DPP10: variants seen among roughly 807,000 people sequenced by gnomAD.
DPP10 encodes dipeptidyl peptidase like 10.
A neutral mutation model predicts 120.9 loss-of-function variants in DPP10; 33 were observed. The ratio of observed to expected loss-of-function variants is 0.27; its 90% CI spans 0.21 to 0.37. DPP10 has a LOEUF of 0.37. Among genes scored for constraint, DPP10 ranks in the 10% least tolerant of loss-of-function variants. The probability of loss-of-function intolerance (pLI) is 1.00; values close to 1 mark genes in which losing one functional copy is unlikely to be tolerated. For missense variants in DPP10, 816 were observed against 942.8 expected, an observed-to-expected ratio of 0.87 and a Z score of 1.76; for synonymous variants, 337 against 326.1, an observed-to-expected ratio of 1.03 and a Z score of -0.36.
intron 1 of DPP10, among the ~76,000 whole-genome samples, chr2:114,534,900 T>G (rs1458543445): frequency 6.6e-6 from 1 of 152,154 alleles, no homozygotes. Flanking sequence ...GGATGCCCCC[T>G]TCTGGGGCCC....
At position 115,356,733 on chromosome 2, in the gene DPP10, T is replaced by C. The variant is rs967547384; in HGVS notation, c.271+12821T>C. Among the ~76,000 whole-genome samples the C allele has an allele frequency of 2.0e-5, 3 of 152,300 alleles. No individual in the cohort carries two copies. In the South Asian group the frequency reaches 6.2e-4, roughly 32 times the overall value. Reference sequence around the variant, plus strand: ...ATTATTTTGAGATATGTTGCATCAATAGCTGTTTTATTGAGAGTTTTTCTT... The same window carrying C: ...ATTATTTTGAGATATGTTGCATCAACAGCTGTTTTATTGAGAGTTTTTCTT... On this transcript the variant is annotated intron_variant, in intron 3 of 25. Coordinates refer to ENST00000410059, the MANE Select transcript of DPP10 (RefSeq NM_020868.6).
chr2:115,224,231 C>T lies in DPP10; in HGVS notation c.61-85008C>T, dbSNP rs2057322336. The stretch of plus-strand genomic sequence containing the variant: ...CTAATTGGGGATTTGAATGGGCTTT[C>T]CTGAAATCTGAAGGATGAAAGAATT... On this transcript the variant is annotated intron_variant, in intron 1 of 25. Transcript: ENST00000410059. 2.6e-5 allele frequency among the ~76,000 whole-genome samples: 4 copies of T among 151,982 alleles called. No homozygotes were observed. The South Asian group carries it at 8.3e-4, about 32-fold the overall frequency.
At chr2:115,492,840 C>T (rs2076196666) in intron 3 of DPP10, among the ~76,000 whole-genome samples, 1 of 152,030 alleles carries the variant, frequency 6.6e-6, no homozygotes, top group Non-Finnish European at 1.5e-5. Flanking sequence ...AAAGGAATTA[C>T]ATGATTAAAT....
chr2:115,063,841 G>A (rs1706617852), intron 1 of DPP10, among the ~76,000 whole-genome samples: 1 of 152,108 alleles, frequency 6.6e-6, no homozygotes, highest in Admixed American at 6.6e-5. Context: ...ATACCATTCA[G>A]GACATAGACA....
At chr2:115,803,997 G>T (rs1441004011) in intron 19 of DPP10, among the ~76,000 whole-genome samples, 1 of 152,096 alleles carries the variant, frequency 6.6e-6, no homozygotes, top group African/African-American at 2.4e-5. Flanking sequence ...GATTGGGGAA[G>T]TTCTCCTGGA....
chr2:115,521,347 G>C (rs748845495), intron 4 of DPP10, among the ~76,000 whole-genome samples: 21 of 152,166 alleles, frequency 1.4e-4, no homozygotes, highest in Admixed American at 7.2e-4. Flanking sequence ...TAAAAGATGA[G>C]GCTTTCTGGC....
At chr2:114,786,088 C>T (rs780695481) in intron 1 of DPP10, among the ~76,000 whole-genome samples, 5 of 152,188 alleles carry the variant, frequency 3.3e-5, no homozygotes, top group Non-Finnish European at 7.3e-5. Flanking sequence ...GCAGCTTAAT[C>T]AGATAAAAGT....
intron 1 of DPP10, among the ~76,000 whole-genome samples, chr2:115,014,661 C>T (rs1180656468): frequency 6.6e-6 from 1 of 151,986 alleles, no homozygotes; most frequent in Admixed American, 6.6e-5. Flanking sequence ...AAGGGCATAT[C>T]ACCACTGATC....
At chr2:115,245,498 G>A (rs2058493498) in intron 1 of DPP10, among the ~76,000 whole-genome samples, 2 of 152,034 alleles carry the variant, frequency 1.3e-5, no homozygotes, top group South Asian at 4.1e-4. Context: ...GCATGGATGT[G>A]GTGAAAAGGG....
At chr2:115,840,313 TTTTTGG>T (rs1336725933) in intron 24 of DPP10, among the ~76,000 whole-genome samples, 3 of 85,828 alleles carry the variant, frequency 3.5e-5, no homozygotes, top group African/African-American at 1.3e-4. Flanking sequence ...GATATAAGGT[TTTTTGG>T]TTTTTTTTTT....
At chr2:115,235,006 AT>A (rs1455252587) in intron 1 of DPP10, among the ~76,000 whole-genome samples, 2 of 152,184 alleles carry the variant, frequency 1.3e-5, no homozygotes, top group Non-Finnish European at 2.9e-5. Flanking sequence ...TTTAGACTCT[AT>A]TAACTTTTAT....
intron 1 of DPP10, among the ~76,000 whole-genome samples, chr2:114,578,349 A>G (rs2105065363): frequency 6.6e-6 from 1 of 152,314 alleles, no homozygotes; most frequent in Non-Finnish European, 1.5e-5. Context: ...TATTGCTATT[A>G]CCATGTCTTT....
chr2:115,300,004 A>T (rs145338676), intron 1 of DPP10, among the ~76,000 whole-genome samples: 1 of 152,198 alleles, frequency 6.6e-6, no homozygotes, highest in East Asian at 1.9e-4. Context: ...TTCTCTAATA[A>T]CATTTTGTGG....
At chr2:114,771,927 G>T (rs1681298867) in intron 1 of DPP10, among the ~76,000 whole-genome samples, 1 of 151,852 alleles carries the variant, frequency 6.6e-6, no homozygotes. Flanking sequence ...TTACTCTCAG[G>T]CCAGTATGGT....
intron 1 of DPP10, among the ~76,000 whole-genome samples, chr2:115,166,801 A>G (rs1343916937): frequency 6.6e-6 from 1 of 152,060 alleles, no homozygotes; most frequent in East Asian, 1.9e-4. Context: ...AAAACAACCA[A>G]ATTTCTCCCA....
intron 1 of DPP10, among the ~76,000 whole-genome samples, chr2:114,831,439 G>A (rs186458184): frequency 6.6e-6 from 1 of 152,226 alleles, no homozygotes; most frequent in East Asian, 1.9e-4. Flanking sequence ...CAGAAATGTA[G>A]GCTTTGGAAA....
At chr2:115,681,571 CA>C (rs998490680) in intron 5 of DPP10, among the ~76,000 whole-genome samples, 6 of 151,612 alleles carry the variant, frequency 4.0e-5, no homozygotes, top group African/African-American at 9.7e-5. Flanking sequence ...AGGTAATAAC[CA>C]AAAAATTTCC....
chr2:114,732,878 G>A (rs918205271), intron 1 of DPP10, among the ~76,000 whole-genome samples: 5 of 152,122 alleles, frequency 3.3e-5, no homozygotes, highest in Admixed American at 6.6e-5. Flanking sequence ...AAAAGAAATA[G>A]CAATAGGAAG....
chr2:114,726,315 G>C (rs991623251), intron 1 of DPP10, among the ~76,000 whole-genome samples: 1 of 151,790 alleles, frequency 6.6e-6, no homozygotes, highest in Non-Finnish European at 1.5e-5. Context: ...AGATGAACCA[G>C]TGATCTCCTC....
Sources: gnomAD v4.1 joint callset for allele counts (sites outside exome capture counted in the v4.1 genomes callset) on GRCh38, gnomAD v4.1.1 for gene constraint, MANE v1.5 for transcripts, NCBI Gene and HGNC (gene_info 2026-07-23, HGNC 2026-07-21) for gene names.